Variants in JARID2 observed in about 807,000 individuals in gnomAD.
JARID2 encodes jumonji and AT-rich interaction domain containing 2.
Under a neutral mutation model 125.6 loss-of-function variants are expected in JARID2, and 21 were observed. The ratio of observed to expected loss-of-function variants is 0.17; its 90% confidence interval spans 0.12 to 0.24. The LOEUF (loss-of-function observed/expected upper bound fraction) is 0.24. JARID2 is among the 10% of genes least tolerant of loss of function. The pLI, the probability that JARID2 is intolerant of heterozygous loss-of-function variation, is 1.00. For synonymous variants in JARID2, 736 were observed against 661.6 expected, an observed-to-expected ratio of 1.11 and a Z score of -1.73; for missense variants, 1,303 against 1,639.6, an observed-to-expected ratio of 0.79 and a Z score of 3.55.
At chr6:15,259,444 T>G (rs1055346494) in intron 1 of JARID2, among the ~76,000 whole-genome samples, 3 of 152,202 alleles carry the variant, frequency 2.0e-5, no homozygotes, top group South Asian at 4.1e-4. Flanking sequence ...CTTGAAGGGC[T>G]TGGTTGCATG....
intron 3 of JARID2, among the ~76,000 whole-genome samples, chr6:15,425,483 A>G (rs536588855): frequency 7.2e-5 from 11 of 152,268 alleles, no homozygotes; most frequent in Admixed American, 3.3e-4. Context: ...TTGTTCCCCA[A>G]TGTAGAGGTG....
At chr6:15,248,127 G>A (rs559825178) in intron 1 of JARID2, 26 of 980,374 alleles carry the variant, frequency 2.7e-5, no homozygotes, top group Non-Finnish European at 3.1e-5. Flanking sequence ...CCGGCTGCAA[G>A]CCCGTGGCTG....
intron 3 of JARID2, among the ~76,000 whole-genome samples, chr6:15,410,768 G>A (rs143047487): frequency 2.2e-4 from 34 of 152,292 alleles, no homozygotes; most frequent in Middle Eastern, 6.8e-3. Context: ...TTTCTGAGAC[G>A]TTTTTTCCTT....
intron 1 of JARID2, among the ~76,000 whole-genome samples, chr6:15,353,428 A>G (rs1763495115): frequency 6.6e-6 from 1 of 152,232 alleles, no homozygotes. Flanking sequence ...TTCTACTTAA[A>G]TGGTGGTTTT....
intron 1 of JARID2, among the ~76,000 whole-genome samples, chr6:15,332,505 T>TA (rs1315980604): frequency 1.3e-5 from 2 of 152,216 alleles, no homozygotes; most frequent in African/African-American, 4.8e-5. Context: ...TGTTCCAAAT[T>TA]ACTCCTAACT....
In JARID2 at chr6:15,468,560, A is replaced by G. The variant is rs1464865880; in HGVS notation, c.512A>G (p.Asn171Ser). The change falls in exon 5 of 18, where the codon AAC becomes AGC. Residue 171 changes from asparagine to serine, a missense_variant. By Grantham distance (46) the Asn-to-Ser change is conservative. Transcript: ENST00000341776. The stretch of plus-strand genomic sequence containing the variant: ...CCACCAGGTTCTCCTGCGCTGCCCA[A>G]CAGCATGGTGTATTTTGGAAGCTCT... ...LCLRGSPALP[N>S]SMVYFGSSQD... is the part of the protein sequence containing the mutation. The G allele has an allele frequency of 1.2e-6, 2 of 1,613,838 alleles. No homozygotes were observed. Among genetic ancestry groups the G allele is most frequent in the Non-Finnish European group, 1.7e-6 (2 of 1,179,948 alleles).
At chr6:15,291,830 C>A (rs1761227660) in intron 1 of JARID2, among the ~76,000 whole-genome samples, 1 of 152,106 alleles carries the variant, frequency 6.6e-6, no homozygotes, top group Admixed American at 6.5e-5. Context: ...TCCTTCCATT[C>A]AAATATTTTT....
intron 16 of JARID2, 69 bp downstream of exon 16, chr6:15,513,491 CAGA>C: frequency 6.9e-7 from 1 of 1,443,868 alleles, no homozygotes; most frequent in Non-Finnish European, 9.4e-7. Context: ...GGGTTGCCCC[CAGA>C]AGAGGGAGGG....
chr6:15,479,339 A>G (rs1769502503), intron 5 of JARID2, among the ~76,000 whole-genome samples: 1 of 152,188 alleles, frequency 6.6e-6, no homozygotes, highest in African/African-American at 2.4e-5. Context: ...CCTGACCTTT[A>G]TATTCTCATA....
rs747081315 is a variant in JARID2, at chr6:15,369,336, A to T, written c.46-4781A>T. On this transcript the variant is annotated intron_variant, in intron 1 of 17. Coordinates refer to ENST00000341776, the MANE Select transcript of JARID2 (RefSeq NM_004973.4). ...TGTAAAAAAAATTATGACCATATAC[A>T]AGTTTGATTCCTGACCAATTGCTCT... 3.3e-5 allele frequency: 15 copies of T among 459,158 alleles called. No individual in the cohort carries two copies. The East Asian group carries it at 8.4e-4, about 26-fold the overall frequency. 28.4% of individuals were successfully genotyped at this position (459,158 alleles called of 1,614,324 possible). A position where few individuals can be genotyped will look rare whatever the true frequency, so the allele number is the denominator to read the frequency against.
chr6:15,414,009 C>A (rs935527253), intron 3 of JARID2, among the ~76,000 whole-genome samples: 1 of 152,082 alleles, frequency 6.6e-6, no homozygotes, highest in Non-Finnish European at 1.5e-5. Context: ...TAGAATGATA[C>A]GAATTGCTAG....
At chr6:15,369,045 C>A (rs1764073186) in intron 1 of JARID2, among the ~76,000 whole-genome samples, 1 of 151,854 alleles carries the variant, frequency 6.6e-6, no homozygotes, top group Non-Finnish European at 1.5e-5. Context: ...AATCTCTAGC[C>A]CGGACCGTCA....
intron 1 of JARID2, among the ~76,000 whole-genome samples, chr6:15,364,376 T>C (rs1763902403): frequency 6.6e-6 from 1 of 152,198 alleles, no homozygotes; most frequent in African/African-American, 2.4e-5. Flanking sequence ...CTGGCCTCAA[T>C]CCCGGAGGCT....
At chr6:15,491,488 AC>A (rs1770148158) in intron 6 of JARID2, among the ~76,000 whole-genome samples, 1 of 152,122 alleles carries the variant, frequency 6.6e-6, no homozygotes, top group Non-Finnish European at 1.5e-5. Flanking sequence ...CAAATGGACT[AC>A]CCCCAGCCAC....
chr6:15,402,521 T>G (rs17619975), intron 2 of JARID2, among the ~76,000 whole-genome samples: 4,827 of 152,252 alleles, frequency 0.032, 79 homozygotes, highest in South Asian at 0.053. Flanking sequence ...ACACAAGACT[T>G]TCCACATGTT....
chr6:15,361,991 G>A (rs1193944028), intron 1 of JARID2, among the ~76,000 whole-genome samples: 2 of 149,602 alleles, frequency 1.3e-5, no homozygotes, highest in Non-Finnish European at 3.0e-5. Flanking sequence ...TGCCTTCTGG[G>A]TTCAAGTGAT....
chr6:15,467,931 A>G (rs1768820488), intron 4 of JARID2, among the ~76,000 whole-genome samples: 1 of 152,076 alleles, frequency 6.6e-6, no homozygotes, highest in Non-Finnish European at 1.5e-5. Context: ...CCCCGTTGGG[A>G]GGTTTATTTC....
At chr6:15,399,268 C>T (rs1765333661) in intron 2 of JARID2, among the ~76,000 whole-genome samples, 1 of 152,146 alleles carries the variant, frequency 6.6e-6, no homozygotes, top group South Asian at 2.1e-4. Context: ...CCCCTTCTTC[C>T]CCAGTGCCAC....
At chr6:15,299,725 G>A (rs961744151) in intron 1 of JARID2, among the ~76,000 whole-genome samples, 1 of 152,158 alleles carries the variant, frequency 6.6e-6, no homozygotes, top group Admixed American at 6.5e-5. Context: ...TCGCAGAGCG[G>A]TCCTCATTTG....
Sources: gnomAD v4.1 joint callset for allele counts (sites outside exome capture counted in the v4.1 genomes callset) on GRCh38, gnomAD v4.1.1 for gene constraint, MANE v1.5 for transcripts, NCBI Gene and HGNC (gene_info 2026-07-23, HGNC 2026-07-21) for gene names.